Variants in ZBTB17 observed in about 807,000 individuals in gnomAD.
ZBTB17 encodes the protein zinc finger and BTB domain containing 17.
ZBTB17 carries 24 observed loss-of-function variants against 85.1 expected under a neutral mutation model. The ratio of observed to expected loss-of-function variants is 0.28; its 90% CI spans 0.20 to 0.40. The LOEUF (loss-of-function observed/expected upper bound fraction) is 0.40. ZBTB17 is among the 10% of genes least tolerant of loss of function. The probability of loss-of-function intolerance (pLI) is 1.00; values close to 1 mark genes in which losing one functional copy is unlikely to be tolerated. For missense variants in ZBTB17, 743 were observed against 1,105.1 expected, an observed-to-expected ratio of 0.67 and a Z score of 4.65; for synonymous variants, 464 against 460.2, an observed-to-expected ratio of 1.01 and a Z score of -0.11.
intron 2 of ZBTB17, among the ~76,000 whole-genome samples, chr1:15,971,483 TACACACACTATATATATATAC>T (rs777602688): frequency 0.085 from 7,252 of 85,494 alleles, 476 homozygotes; most frequent in Middle Eastern, 0.12. Flanking sequence ...ACTATATATA[TACACACACTATATATATATAC>T]ACACACACTA....
In ZBTB17 at chr1:15,948,383, T is replaced by A; in HGVS notation, c.113A>T (p.His38Leu). The change falls in exon 3 of 16, where the codon CAT (histidine) becomes CTT (leucine). Residue 38 changes from histidine (H) to leucine (L), a missense_variant. His to Leu is a moderately conservative substitution (Grantham distance 99). This residue lies in a region of ZBTB17 where 74 missense variants were observed against 142.6 expected (regional missense o/e 0.52). Transcript: ENST00000375743. ...FVVDGVHFKA[H>L]KAVLAACSEY... Reference sequence around the variant, plus strand: ...GCTGCAGGCCGCCAGCACTGCTTTATGAGCCTTAAAGTGAACACCGTCCAC... The same window carrying A: ...GCTGCAGGCCGCCAGCACTGCTTTAAGAGCCTTAAAGTGAACACCGTCCAC... 2 of 1,614,072 alleles carry A rather than the reference T, an allele frequency of 1.2e-6. No individual in the cohort carries two copies. The highest frequency in any genetic ancestry group is 1.7e-6 in the Non-Finnish European group (2 of 1,180,052).
chr1:15,956,375 C>A (rs1005805927), intron 2 of ZBTB17, among the ~76,000 whole-genome samples: 1 of 152,204 alleles, frequency 6.6e-6, no homozygotes, highest in Non-Finnish European at 1.5e-5. Flanking sequence ...GGGAACAGGC[C>A]TGTTGAGAGC....
At chr1:15,958,963 C>G (rs1272062590) in intron 2 of ZBTB17, among the ~76,000 whole-genome samples, 3 of 152,172 alleles carry the variant, frequency 2.0e-5, no homozygotes, top group Non-Finnish European at 2.9e-5. Flanking sequence ...AGGAGTCACA[C>G]TGGGACTTGA....
Position 15,951,887 on chromosome 1 carries a change from A to G in ZBTB17, c.-2-3390T>C, listed in dbSNP as rs1368072510. ...TGGGGAGACGTTAACCACAGTAATC[A>G]GATCAACAGCCAGCTGCTCCCCATC... On this transcript the variant is annotated intron_variant, in intron 2 of 15. Transcript: ENST00000375743. This position sits in a 1 kb window ranked among gnomAD's most constrained non-coding sequence, Gnocchi z 4.1. Among the ~76,000 whole-genome samples, 1 of 152,112 alleles carries G rather than the reference A, an allele frequency of 6.6e-6. No individual in the cohort carries two copies. The highest frequency in any genetic ancestry group is 2.4e-5 in the African/African-American group (1 of 41,414).
intron 2 of ZBTB17, among the ~76,000 whole-genome samples, chr1:15,957,062 C>T (rs970110246): frequency 4.6e-5 from 7 of 151,814 alleles, no homozygotes; most frequent in African/African-American, 1.7e-4. Context: ...TGCCTGTAAT[C>T]CCAGCTACTC....
At chr1:15,963,400 G>A (rs1006430560) in intron 2 of ZBTB17, among the ~76,000 whole-genome samples, 1 of 152,196 alleles carries the variant, frequency 6.6e-6, no homozygotes, top group Non-Finnish European at 1.5e-5. Flanking sequence ...ATACTGAGAG[G>A]TCAAAACACA....
At chr1:15,972,128 C>T (rs2148818890) in intron 2 of ZBTB17, among the ~76,000 whole-genome samples, 1 of 152,298 alleles carries the variant, frequency 6.6e-6, no homozygotes, top group South Asian at 2.1e-4. Flanking sequence ...CACCAGCCCT[C>T]CAAGGTATTT....
At chr1:15,948,584 A>G (rs2071708433) in intron 2 of ZBTB17, 87 bp from the exon 3 acceptor site, 1 of 1,360,924 alleles carries the variant, frequency 7.3e-7, no homozygotes, top group East Asian at 2.4e-5. Context: ...CCAGGCGAGC[A>G]CCATGGAGAA....
chr1:15,946,340 G>A (rs770439683), intron 4 of ZBTB17, 46 bp from the exon 5 acceptor site: 11 of 1,587,066 alleles, frequency 6.9e-6, no homozygotes, highest in East Asian at 4.5e-5. Context: ...TCAAGTGCCC[G>A]CCATCTGGAG....
At chr1:15,972,481 A>AG (rs1265976610) in intron 2 of ZBTB17, among the ~76,000 whole-genome samples, 1 of 152,234 alleles carries the variant, frequency 6.6e-6, no homozygotes, top group Non-Finnish European at 1.5e-5. Flanking sequence ...CACCAGATGC[A>AG]GGAACTGGCT....
rs987411136 is a variant in ZBTB17, at chr1:15,973,508, A to G, written c.-89-383T>C. Among the ~76,000 whole-genome samples, 1 of 152,132 alleles carries G rather than the reference A, an allele frequency of 6.6e-6. No homozygotes were observed. The highest frequency in any genetic ancestry group is 2.4e-5 in the African/African-American group (1 of 41,422). ...CTAGGTGAGCTCATCCCCTCCCATG[A>G]CTTCAGTGACCTTTGATGGTGATAA... On this transcript the variant is annotated intron_variant, in intron 1 of 15. Coordinates refer to ENST00000375743, the MANE Select transcript of ZBTB17 (RefSeq NM_003443.3). This position sits in a 1 kb window ranked among gnomAD's most constrained non-coding sequence, Gnocchi z 4.1.
At chr1:15,946,827 G>A (rs932632141) in intron 4 of ZBTB17, 108 bp downstream of exon 4, 20 of 1,360,292 alleles carry the variant, frequency 1.5e-5, no homozygotes, top group African/African-American at 1.2e-4. Context: ...ACCCACAACC[G>A]AGGCAGGGCC....
intron 2 of ZBTB17, among the ~76,000 whole-genome samples, chr1:15,965,482 C>T (rs762442749): frequency 3.9e-5 from 6 of 152,126 alleles, no homozygotes; most frequent in Admixed American, 1.3e-4. Flanking sequence ...ATGAGGCAAA[C>T]GGAATTGTTG....
In ZBTB17 at chr1:15,975,989, T is replaced by C. The variant is rs1346642855; in HGVS notation, c.-96A>G. ...GGCGATTGTTGACACTCACCTGCCA[T>C]GTCCCGGACCCCACCGCAGAGGGAG... is the stretch of plus-strand genomic sequence containing the variant. On this transcript the variant is annotated 5_prime_UTR_variant, in exon 1 of 16. The change abolishes an upstream ATG in the 5' untranslated region. Coordinates refer to ENST00000375743, the MANE Select transcript of ZBTB17 (RefSeq NM_003443.3). The C allele has an allele frequency of 5.7e-6, 4 of 699,528 alleles. No homozygotes were observed. Among genetic ancestry groups the C allele is most frequent in the Non-Finnish European group, 1.0e-5 (4 of 383,428 alleles). The allele number at this position is 699,528 out of a possible 1,614,324, so 43.3% of individuals were successfully genotyped here.
intron 2 of ZBTB17, among the ~76,000 whole-genome samples, chr1:15,967,374 T>TA (rs1196636837): frequency 4.3e-4 from 61 of 142,086 alleles, no homozygotes; most frequent in Admixed American, 9.2e-4. Context: ...AGGCCCTAAT[T>TA]AAAAAAAAAA....
At chr1:15,945,982 C>A in intron 5 of ZBTB17, 142 bp from the exon 6 acceptor site, 1 of 1,549,008 alleles carries the variant, frequency 6.5e-7, no homozygotes, top group South Asian at 1.1e-5. Context: ...GCTGTTGTGT[C>A]TGCTCTGGTT....
chr1:15,949,227 T>G (rs1570129922), intron 2 of ZBTB17, among the ~76,000 whole-genome samples: 1 of 152,280 alleles, frequency 6.6e-6, no homozygotes, highest in African/African-American at 2.4e-5. Context: ...AGGGCCTCAC[T>G]TAATGCCTGG....
At chr1:15,962,951 A>AAAAAAAAT (rs1288613405) in intron 2 of ZBTB17, among the ~76,000 whole-genome samples, 2 of 151,896 alleles carry the variant, frequency 1.3e-5, no homozygotes, top group African/African-American at 4.8e-5. Context: ...CCCTGTTTCT[A>AAAAAAAAT]AAAAAAATAA....
At chr1:15,975,887 C>A in intron 1 of ZBTB17, 96 bp downstream of exon 1, 1 of 680,666 alleles carries the variant, frequency 1.5e-6, no homozygotes, top group South Asian at 1.5e-5. Flanking sequence ...CCCTCCCCCA[C>A]ACAACCGTCA....
Sources: gnomAD v4.1 joint callset for allele counts (sites outside exome capture counted in the v4.1 genomes callset) on GRCh38, gnomAD v4.1.1 for gene constraint, gnomAD v4.1.1 regional missense constraint, Gnocchi (gnomAD v3.1) non-coding constraint, MANE v1.5 for transcripts, NCBI Gene and HGNC (gene_info 2026-07-23, HGNC 2026-07-21) for gene names.